The following DGKI variants were observed in gnomAD, a reference collection of about 807,000 sequenced individuals.
DGKI encodes the protein diacylglycerol kinase iota.
In DGKI, 55 loss-of-function variants were observed where a neutral mutation model predicts 147.5. The ratio of observed to expected loss-of-function variants is 0.37; its 90% CI spans 0.30 to 0.47. The LOEUF (loss-of-function observed/expected upper bound fraction) is 0.47, where lower values mean the gene tolerates loss of function less well. Ranked by LOEUF, DGKI falls within the 20% of genes least tolerant of loss-of-function variation. The pLI, the probability that DGKI is intolerant of heterozygous loss-of-function variation, is 1.00. For missense variants in DGKI, 1,007 were observed against 1,323.8 expected, an observed-to-expected ratio of 0.76 and a Z score of 3.71; for synonymous variants, 469 against 477.1, an observed-to-expected ratio of 0.98 and a Z score of 0.22.
At chr7:137,764,826 C>T (rs1347959205) in intron 1 of DGKI, among the ~76,000 whole-genome samples, 1 of 152,178 alleles carries the variant, frequency 6.6e-6, no homozygotes. Flanking sequence ...TTCTCAATCC[C>T]ATCCCCACCT....
At chr7:137,588,607 G>A (rs955075698) in intron 12 of DGKI, among the ~76,000 whole-genome samples, 1 of 151,448 alleles carries the variant, frequency 6.6e-6, no homozygotes. Flanking sequence ...CTCCCAAGTA[G>A]CCGGGACTAC....
chr7:137,411,670 G>A (rs1245321769), intron 29 of DGKI, among the ~76,000 whole-genome samples: 1 of 152,236 alleles, frequency 6.6e-6, no homozygotes. Flanking sequence ...CCTTCCTTCT[G>A]AACAAAACTC....
intron 32 of DGKI, among the ~76,000 whole-genome samples, chr7:137,392,057 G>A (rs55744241): frequency 0.019 from 2,935 of 152,000 alleles, 49 homozygotes; most frequent in Middle Eastern, 0.045. Context: ...GCCTCTATAC[G>A]TATTTTTATA....
intron 1 of DGKI, among the ~76,000 whole-genome samples, chr7:137,826,162 C>T (rs1798052151): frequency 1.3e-5 from 2 of 152,126 alleles, no homozygotes; most frequent in South Asian, 4.1e-4. Context: ...TCTATTTTTT[C>T]CTGCCTGTTA....
intron 17 of DGKI, among the ~76,000 whole-genome samples, chr7:137,574,287 T>G (rs191020875): frequency 7.9e-4 from 120 of 152,344 alleles, no homozygotes; most frequent in East Asian, 3.7e-3. Flanking sequence ...TTAAAGATGT[T>G]TTTCTAGTAC....
At chr7:137,436,213 A>G (rs934231632) in intron 28 of DGKI, among the ~76,000 whole-genome samples, 1 of 152,194 alleles carries the variant, frequency 6.6e-6, no homozygotes, top group African/African-American at 2.4e-5. Context: ...TATTGACAGG[A>G]GATTGGAACC....
In DGKI at chr7:137,450,173, A is replaced by T. The variant is rs570413260; in HGVS notation, c.2736-6071T>A. Among the ~76,000 whole-genome samples the T allele has an allele frequency of 1.8e-3, 274 of 152,276 alleles. 2 individuals carry two copies. Among genetic ancestry groups the T allele is most frequent in the African/African-American group, 6.4e-3 (266 of 41,570 alleles). On this transcript the variant is annotated intron_variant, in intron 27 of 32. Transcript: ENST00000614521. ...GGAGACATGCTCTTCAAAGTAGACA[A>T]AGTTACAGTTAGATAGGAAGAATAG... is the stretch of plus-strand genomic sequence containing the variant.
intron 23 of DGKI, among the ~76,000 whole-genome samples, chr7:137,482,473 C>T (rs797004230): frequency 5.4e-4 from 82 of 152,020 alleles, no homozygotes; most frequent in African/African-American, 2.0e-3. Flanking sequence ...TTGCTGATGA[C>T]TCCAAAATTT....
Position 137,846,457 on chromosome 7 carries a change from C to G in DGKI, c.401+5G>C. 1.3e-6 allele frequency: 2 copies of G among 1,586,926 alleles called. No homozygotes were observed. The highest frequency in any genetic ancestry group is 1.7e-6 in the Non-Finnish European group (2 of 1,166,680). On this transcript the variant is annotated splice_donor_5th_base_variant and intron_variant, in intron 1 of 32. Transcript: ENST00000614521. This position sits in a 1 kb window ranked among gnomAD's most constrained non-coding sequence, Gnocchi z 4.0. ...CTGTCTCGGCTGCCGGCTCCCCGCA[C>G]CTACCTGTACGAGACCTGCTTCCGG...
intron 6 of DGKI, among the ~76,000 whole-genome samples, chr7:137,640,186 C>G (rs1203950451): frequency 1.3e-5 from 2 of 152,062 alleles, no homozygotes; most frequent in East Asian, 1.9e-4. Context: ...CCATTTCCCC[C>G]TCCCAGGACG....
intron 28 of DGKI, among the ~76,000 whole-genome samples, chr7:137,430,579 A>T (rs935461098): frequency 1.3e-5 from 2 of 152,098 alleles, no homozygotes; most frequent in South Asian, 2.1e-4. Context: ...AAATAATTTT[A>T]AAAAAAGAAA....
intron 20 of DGKI, among the ~76,000 whole-genome samples, chr7:137,546,359 C>T (rs545532570): frequency 6.6e-6 from 1 of 152,264 alleles, no homozygotes; most frequent in African/African-American, 2.4e-5. Flanking sequence ...ATGGTAAACT[C>T]ATCTTTGAAA....
At chr7:137,527,337 A>T (rs1458180172) in intron 20 of DGKI, among the ~76,000 whole-genome samples, 2 of 152,180 alleles carry the variant, frequency 1.3e-5, no homozygotes, top group Non-Finnish European at 2.9e-5. Flanking sequence ...TCATAGCTGA[A>T]GCCAGAGTTG....
At chr7:137,528,182 A>G (rs1817218458) in intron 20 of DGKI, among the ~76,000 whole-genome samples, 1 of 152,212 alleles carries the variant, frequency 6.6e-6, no homozygotes, top group Non-Finnish European at 1.5e-5. Flanking sequence ...TGAAAAAGTC[A>G]TAACTGATTT....
At chr7:137,426,659 CAT>C (rs1812819644) in intron 28 of DGKI, among the ~76,000 whole-genome samples, 1 of 151,988 alleles carries the variant, frequency 6.6e-6, no homozygotes, top group African/African-American at 2.4e-5. Context: ...AAACCCATCT[CAT>C]GTGCAGTGAC....
chr7:137,704,553 T>C (rs530617672), intron 1 of DGKI, among the ~76,000 whole-genome samples: 115 of 152,188 alleles, frequency 7.6e-4, no homozygotes, highest in African/African-American at 2.8e-3. Flanking sequence ...ATATTCATAA[T>C]AGATATTCCA....
chr7:137,683,992 T>C (rs972835166), intron 2 of DGKI, among the ~76,000 whole-genome samples: 4 of 152,232 alleles, frequency 2.6e-5, no homozygotes, highest in African/African-American at 9.6e-5. Flanking sequence ...ATAAAGAGTA[T>C]GCTCACACAA....
At chr7:137,800,696 T>A (rs554239265) in intron 1 of DGKI, among the ~76,000 whole-genome samples, 2 of 152,204 alleles carry the variant, frequency 1.3e-5, no homozygotes, top group Admixed American at 1.3e-4. Context: ...TTAACAGGTA[T>A]AAAACTAGAC....
chr7:137,655,388 C>T (rs1349871847), intron 4 of DGKI, among the ~76,000 whole-genome samples: 6 of 151,934 alleles, frequency 3.9e-5, no homozygotes, highest in East Asian at 1.9e-4. Context: ...TTAGTAGAGA[C>T]GGGGTTTCAC....
Sources: gnomAD v4.1 joint callset for allele counts (sites outside exome capture counted in the v4.1 genomes callset) on GRCh38, gnomAD v4.1.1 for gene constraint, Gnocchi (gnomAD v3.1) non-coding constraint, MANE v1.5 for transcripts, NCBI Gene and HGNC (gene_info 2026-07-23, HGNC 2026-07-21) for gene names.